The following XPNPEP1 variants were observed in gnomAD, a reference collection of about 807,000 sequenced individuals.
XPNPEP1 encodes the protein X-prolyl aminopeptidase 1.
XPNPEP1 carries 39 observed loss-of-function variants against 92.4 expected under a neutral mutation model. That is an observed-to-expected ratio of 0.42 (90% confidence interval 0.33 to 0.55). XPNPEP1 has a LOEUF of 0.55. XPNPEP1 is among the 20% of genes least tolerant of loss of function. XPNPEP1 has a pLI of 0.08. For synonymous variants in XPNPEP1, 307 were observed against 299.4 expected, an observed-to-expected ratio of 1.03 and a Z score of -0.26; for missense variants, 654 against 856.1, an observed-to-expected ratio of 0.76 and a Z score of 2.95.
At chr10:109,917,761 T>C (rs904317693) in intron 1 of XPNPEP1, among the ~76,000 whole-genome samples, 9 of 152,206 alleles carry the variant, frequency 5.9e-5, no homozygotes, top group Admixed American at 1.3e-4. Flanking sequence ...AGCATAAGAA[T>C]GGACTTACAA....
At chr10:109,897,453 T>A (rs1470336806) in intron 3 of XPNPEP1, among the ~76,000 whole-genome samples, 1 of 152,186 alleles carries the variant, frequency 6.6e-6, no homozygotes, top group Non-Finnish European at 1.5e-5. Flanking sequence ...CTAAGATTAT[T>A]TAGTCTGTAT....
At chr10:109,874,687 C>T (rs1278418413) in intron 15 of XPNPEP1, among the ~76,000 whole-genome samples, 3 of 152,214 alleles carry the variant, frequency 2.0e-5, no homozygotes, top group Admixed American at 6.5e-5. Flanking sequence ...CAGTGGCTCA[C>T]GCCTGTAATC....
chr10:109,913,793 C>T (rs994120249), intron 2 of XPNPEP1, among the ~76,000 whole-genome samples: 1 of 152,206 alleles, frequency 6.6e-6, no homozygotes, highest in African/African-American at 2.4e-5. Flanking sequence ...GATCTACAAC[C>T]TCAGGCAACT....
At chr10:109,878,122 G>A in intron 12 of XPNPEP1, 64 bp from the exon 13 acceptor site, 1 of 1,586,840 alleles carries the variant, frequency 6.3e-7, no homozygotes, top group African/African-American at 1.3e-5. Flanking sequence ...TTACAAATTA[G>A]AGGAGGTACA....
At position 109,865,095 on chromosome 10, in the gene XPNPEP1, G is replaced by A; in HGVS notation, c.*89C>T. The A allele has an allele frequency of 6.4e-7, 1 of 1,571,060 alleles. No homozygotes were observed. The highest frequency in any genetic ancestry group is 8.7e-7 in the Non-Finnish European group (1 of 1,151,786). ...AGTAAAAAGGGGAGGTAGGGAAGAA[G>A]GAAAGGAAAGGGGAAAGATGTCAGG... On this transcript the variant is annotated 3_prime_UTR_variant, in exon 21 of 21. Coordinates refer to ENST00000502935, the MANE Select transcript of XPNPEP1 (RefSeq NM_020383.4).
chr10:109,886,757 C>G (rs1848414163), intron 7 of XPNPEP1, among the ~76,000 whole-genome samples: 1 of 152,196 alleles, frequency 6.6e-6, no homozygotes, highest in Non-Finnish European at 1.5e-5. Flanking sequence ...CAACAGGGGA[C>G]ACACAGGGAC....
At chr10:109,907,653 G>A (rs756634276) in intron 3 of XPNPEP1, 38 bp downstream of exon 3, 4 of 1,613,066 alleles carry the variant, frequency 2.5e-6, no homozygotes, top group Admixed American at 3.3e-5. Flanking sequence ...GGGGAAAAAA[G>A]ACTGAAAAGA....
intron 6 of XPNPEP1, 85 bp downstream of exon 6, chr10:109,888,418 C>T: frequency 7.2e-7 from 1 of 1,397,202 alleles, no homozygotes; most frequent in Admixed American, 2.2e-5. Flanking sequence ...CCCAGTGCTC[C>T]ACACCCCACA....
At chr10:109,902,831 G>C (rs1421090309) in intron 3 of XPNPEP1, among the ~76,000 whole-genome samples, 1 of 152,194 alleles carries the variant, frequency 6.6e-6, no homozygotes, top group Non-Finnish European at 1.5e-5. Context: ...CCTCATGGAG[G>C]GAAAAGCCAT....
chr10:109,902,068 T>C (rs74154924), intron 3 of XPNPEP1, among the ~76,000 whole-genome samples: 4,700 of 152,348 alleles, frequency 0.031, 261 homozygotes, highest in African/African-American at 0.11. Flanking sequence ...ACTTAGACAG[T>C]GCTAATGAGG....
At position 109,923,382 on chromosome 10, in the gene XPNPEP1, T is replaced by A; in HGVS notation, c.32+20A>T. On this transcript the variant is annotated intron_variant, in intron 1 of 20. Transcript: ENST00000502935. The stretch of plus-strand genomic sequence containing the variant: ...GGCTGCACGCTGCCCGGACGCCGGC[T>A]GCCGGCGGAGTGCCCTCACCTTACT... The A allele has an allele frequency of 7.0e-7, 1 of 1,430,548 alleles. No individual in the cohort carries two copies. Among genetic ancestry groups the A allele is most frequent in the Non-Finnish European group, 9.2e-7 (1 of 1,091,148 alleles). 88.6% of individuals were successfully genotyped at this position (1,430,548 alleles called of 1,614,324 possible). A position where few individuals can be genotyped will look rare whatever the true frequency, so the allele number is the denominator to read the frequency against.
chr10:109,883,423 CT>C (rs1034689944), intron 9 of XPNPEP1, among the ~76,000 whole-genome samples: 12 of 152,132 alleles, frequency 7.9e-5, no homozygotes, highest in Admixed American at 2.0e-4. Context: ...GGTCAGGCCC[CT>C]CTCGTAACAC....
intron 18 of XPNPEP1, 133 bp from the exon 19 acceptor site, chr10:109,870,162 G>GT: frequency 1.0e-6 from 1 of 979,790 alleles, no homozygotes; most frequent in South Asian, 1.7e-5. Flanking sequence ...TCTATCTGGT[G>GT]TAAGAGCCTA....
chr10:109,865,979 G>A (rs1022241461), intron 20 of XPNPEP1, among the ~76,000 whole-genome samples: 2 of 152,182 alleles, frequency 1.3e-5, no homozygotes, highest in African/African-American at 2.4e-5. Context: ...AGACATGATG[G>A]CAAAAGCTCT....
chr10:109,879,053 T>G (rs1426625815), intron 12 of XPNPEP1, among the ~76,000 whole-genome samples: 5 of 140,448 alleles, frequency 3.6e-5, no homozygotes, highest in Non-Finnish European at 6.2e-5. Flanking sequence ...CCATCCTGGC[T>G]AACACAGTGA....
rs1264605442 is a variant in XPNPEP1, at chr10:109,882,413, C to A, written c.1041+19G>T. ...AAGGGGGTGGCAGAGTTTAGATGGG[C>A]CAAAGTGGGGTCACCAACCTTGGGG... On this transcript the variant is annotated intron_variant, in intron 10 of 20. Transcript: ENST00000502935. The A allele has an allele frequency of 6.2e-7, 1 of 1,605,522 alleles. No individual in the cohort carries two copies. The highest frequency in any genetic ancestry group is 1.3e-5 in the African/African-American group (1 of 74,722).
chr10:109,885,679 G>A (rs1848350084), intron 8 of XPNPEP1, among the ~76,000 whole-genome samples: 1 of 152,232 alleles, frequency 6.6e-6, no homozygotes, highest in Non-Finnish European at 1.5e-5. Flanking sequence ...TCAGAAACCA[G>A]AAGACAGGAC....
chr10:109,888,445 G>T, intron 6 of XPNPEP1, 58 bp downstream of exon 6: 1 of 1,502,006 alleles, frequency 6.7e-7, no homozygotes, highest in Non-Finnish European at 9.1e-7. Context: ...TGAGGAGAAT[G>T]GAGGGGAATC....
intron 4 of XPNPEP1, chr10:109,892,353 G>A (rs1209543411): frequency 1.9e-5 from 3 of 156,220 alleles, no homozygotes; most frequent in Non-Finnish European, 4.3e-5. Flanking sequence ...GCAGAACTTG[G>A]GGTTTTGGCA....
Sources: allele counts gnomAD v4.1 joint callset (sites outside exome capture counted in the v4.1 genomes callset), GRCh38; gene constraint gnomAD v4.1.1; transcripts MANE v1.5; gene names NCBI Gene and HGNC (gene_info 2026-07-23, HGNC 2026-07-21).